DCC: variants seen among roughly 807,000 people sequenced by gnomAD.
DCC encodes the protein netrin receptor DCC.
A neutral mutation model predicts 172.5 loss-of-function variants in DCC; 58 were observed. The ratio of observed to expected loss-of-function variants is 0.34; its 90% CI spans 0.27 to 0.42. DCC has a LOEUF of 0.42. Among genes scored for constraint, DCC ranks in the 10% least tolerant of loss-of-function variants. The pLI is 1.00. For synonymous variants in DCC, 709 were observed against 644.5 expected (o/e 1.10, Z -1.52); for missense variants, 1,740 against 1,791.0 (o/e 0.97, Z 0.51).
intron 1 of DCC, among the ~76,000 whole-genome samples, chr18:52,347,171 C>T (rs1983916597): frequency 2.0e-5 from 3 of 152,114 alleles, no homozygotes; most frequent in African/African-American, 7.2e-5. Context: ...CTTGTCAATA[C>T]AACATTATTC....
At chr18:52,780,091 T>C (rs994882053) in intron 2 of DCC, among the ~76,000 whole-genome samples, 1 of 152,238 alleles carries the variant, frequency 6.6e-6, no homozygotes, top group African/African-American at 2.4e-5. Flanking sequence ...TGTTATTAAT[T>C]AACCATCAAG....
intron 21 of DCC, among the ~76,000 whole-genome samples, chr18:53,427,589 C>T (rs1261424045): frequency 6.6e-6 from 1 of 151,462 alleles, no homozygotes; most frequent in Non-Finnish European, 1.5e-5. Flanking sequence ...TAGTTATTGT[C>T]ACATAGGTTA....
intron 1 of DCC, among the ~76,000 whole-genome samples, chr18:52,384,699 C>T (rs892632033): frequency 6.6e-6 from 1 of 152,058 alleles, no homozygotes; most frequent in African/African-American, 2.4e-5. Flanking sequence ...ATTTGTATGC[C>T]TGATTCAGAA....
intron 8 of DCC, among the ~76,000 whole-genome samples, chr18:53,172,148 GA>G (rs1390283207): frequency 6.6e-6 from 1 of 152,090 alleles, no homozygotes; most frequent in African/African-American, 2.4e-5. Context: ...CCTTAACAAG[GA>G]ATGAAATCAC....
At chr18:52,971,866 T>C (rs1369727326) in intron 5 of DCC, among the ~76,000 whole-genome samples, 1 of 152,090 alleles carries the variant, frequency 6.6e-6, no homozygotes, top group Admixed American at 6.5e-5. Flanking sequence ...CCTGGATCTC[T>C]TTCCTGCTAT....
intron 2 of DCC, among the ~76,000 whole-genome samples, chr18:52,822,311 T>G (rs2038421532): frequency 6.6e-6 from 1 of 151,930 alleles, no homozygotes; most frequent in Non-Finnish European, 1.5e-5. Flanking sequence ...CAACAAGGAG[T>G]GAAATGTGCT....
intron 11 of DCC, among the ~76,000 whole-genome samples, chr18:53,214,956 A>G (rs769780843): frequency 6.6e-6 from 1 of 152,216 alleles, no homozygotes; most frequent in South Asian, 2.1e-4. Flanking sequence ...AGAAAAATAT[A>G]CTGCTGCTTT....
chr18:53,013,602 A>T (rs771297026), intron 5 of DCC, among the ~76,000 whole-genome samples: 4 of 151,922 alleles, frequency 2.6e-5, no homozygotes, highest in Non-Finnish European at 5.9e-5. Context: ...GTGGGGCTTA[A>T]ATCCTAGATG....
intron 22 of DCC, among the ~76,000 whole-genome samples, chr18:53,447,090 T>G (rs1269476297): frequency 2.0e-5 from 3 of 152,170 alleles, no homozygotes; most frequent in Non-Finnish European, 4.4e-5. Flanking sequence ...AAACAAAGTG[T>G]ATATTAATTG....
rs76306164 is a variant in DCC at position 52,727,503 on chromosome 18, A to G, written c.92-24551A>G. Reference sequence around the variant, plus strand: ...TTATTTGCTTTGTTCATCTCAGAGAAGAAAATGATCCACATTTGTAATATC... The same window carrying G: ...TTATTTGCTTTGTTCATCTCAGAGAGGAAAATGATCCACATTTGTAATATC... On this transcript the variant is annotated intron_variant, in intron 1 of 28. Transcript: ENST00000442544. Among the ~76,000 whole-genome samples, 52 of 152,340 alleles carry G rather than the reference A, an allele frequency of 3.4e-4. No individual in the cohort carries two copies. The East Asian group carries it at 7.9e-3, about 23-fold the overall frequency.
intron 12 of DCC, among the ~76,000 whole-genome samples, chr18:53,256,346 G>T (rs1598952810): frequency 6.6e-6 from 1 of 152,178 alleles, no homozygotes; most frequent in South Asian, 2.1e-4. Flanking sequence ...ATGGTTTTAG[G>T]TCTAACATGT....
intron 9 of DCC, among the ~76,000 whole-genome samples, chr18:53,199,299 C>T (rs1176141097): frequency 1.3e-5 from 2 of 151,914 alleles, no homozygotes; most frequent in Non-Finnish European, 2.9e-5. Flanking sequence ...TCTTGTTGGC[C>T]AGGCTGGTCT....
intron 1 of DCC, among the ~76,000 whole-genome samples, chr18:52,350,351 G>T (rs541355052): frequency 6.6e-6 from 1 of 152,274 alleles, no homozygotes; most frequent in South Asian, 2.1e-4. Context: ...ATTGATTTGC[G>T]TATGTTGAAC....
intron 21 of DCC, among the ~76,000 whole-genome samples, chr18:53,428,288 A>G (rs1228974619): frequency 1.1e-5 from 1 of 89,182 alleles, no homozygotes; most frequent in African/African-American, 4.6e-5. Flanking sequence ...TAAATTATAT[A>G]GAATATAATA....
At chr18:52,665,903 G>A (rs1485064770) in intron 1 of DCC, among the ~76,000 whole-genome samples, 1 of 152,152 alleles carries the variant, frequency 6.6e-6, no homozygotes, top group African/African-American at 2.4e-5. Context: ...AGGTTCACTT[G>A]CTCAAATTAA....
intron 1 of DCC, among the ~76,000 whole-genome samples, chr18:52,586,297 G>T (rs2033672327): frequency 1.3e-5 from 2 of 152,018 alleles, no homozygotes; most frequent in Admixed American, 1.3e-4. Context: ...GTTTTATTAT[G>T]ATTTATATTT....
intron 15 of DCC, among the ~76,000 whole-genome samples, chr18:53,373,410 A>C (rs755633436): frequency 2.0e-5 from 3 of 152,142 alleles, no homozygotes; most frequent in African/African-American, 7.2e-5. Flanking sequence ...AAATAATCCA[A>C]GTGAGCAACT....
chr18:52,837,492 C>T (rs2038726967), intron 2 of DCC, among the ~76,000 whole-genome samples: 1 of 152,168 alleles, frequency 6.6e-6, no homozygotes, highest in Non-Finnish European at 1.5e-5. Context: ...GGACAAAATG[C>T]CACCAGTCTC....
intron 5 of DCC, among the ~76,000 whole-genome samples, chr18:52,973,879 T>C (rs1430812391): frequency 6.6e-6 from 1 of 152,220 alleles, no homozygotes; most frequent in Non-Finnish European, 1.5e-5. Context: ...ACTGAATGTT[T>C]TACAATTTCA....
Sources: gnomAD v4.1 joint callset for allele counts (sites outside exome capture counted in the v4.1 genomes callset) on GRCh38, gnomAD v4.1.1 for gene constraint, MANE v1.5 for transcripts, NCBI Gene and HGNC (gene_info 2026-07-23, HGNC 2026-07-21) for gene names.